Variants in BCL2 observed in about 807,000 individuals in gnomAD.
The protein encoded by BCL2 is BCL2 apoptosis regulator.
In BCL2, 1 loss-of-function variant was observed where a neutral mutation model predicts 14.2. The ratio of observed to expected loss-of-function variants is 0.07; its 90% CI spans 0.02 to 0.33. BCL2 has a LOEUF of 0.33. Among genes scored for constraint, BCL2 ranks in the 10% least tolerant of loss-of-function variants. The probability of loss-of-function intolerance (pLI) is 0.99; values close to 1 mark genes in which losing one functional copy is unlikely to be tolerated. For missense variants in BCL2, 247 were observed against 305.9 expected (o/e 0.81, Z 1.44); for synonymous variants, 151 against 137.2 (o/e 1.10, Z -0.70).
rs1913574298 is a variant in BCL2, at chr18:63,318,433, G to C, written c.234C>G (p.Pro78=). ...RTSPLQTPAA[P]GAAAGPALSP... ...TGAGCGCAGGCCCCGCGGCGGCGCC[G>C]GGGGCAGCCGGGGTCTGCAGCGGCG... is the stretch of plus-strand genomic sequence containing the variant. The change falls in exon 2 of 3, where the codon CCC becomes CCG. Residue 78 remains proline (P), a synonymous_variant. Coordinates refer to ENST00000333681, the MANE Select transcript of BCL2 (RefSeq NM_000633.3). This position sits in a 1 kb window ranked among gnomAD's most constrained non-coding sequence, Gnocchi z 7.4. 6.8e-7 allele frequency: 1 copy of C among 1,473,208 alleles called. No individual in the cohort carries two copies. The allele number at this position is 1,473,208 out of a possible 1,614,324, so 91.3% of individuals were successfully genotyped here.
intron 2 of BCL2, among the ~76,000 whole-genome samples, chr18:63,212,271 T>A (rs768086900): frequency 7.3e-5 from 11 of 151,590 alleles, no homozygotes; most frequent in Non-Finnish European, 8.9e-5. Flanking sequence ...GAGGTTGCAG[T>A]GAGCCAAGAG....
chr18:63,263,619 C>T (rs916353902), intron 2 of BCL2, among the ~76,000 whole-genome samples: 4 of 152,234 alleles, frequency 2.6e-5, no homozygotes, highest in African/African-American at 4.8e-5. Context: ...TGGAAGCAGT[C>T]ACATCATTGC....
chr18:63,231,872 T>C (rs1910697199), intron 2 of BCL2, among the ~76,000 whole-genome samples: 1 of 152,110 alleles, frequency 6.6e-6, no homozygotes, highest in African/African-American at 2.4e-5. Context: ...GCAGCCAAGA[T>C]AACTTTGAAA....
chr18:63,243,708 A>T (rs571044667), intron 2 of BCL2, among the ~76,000 whole-genome samples: 9 of 152,172 alleles, frequency 5.9e-5, no homozygotes, highest in Non-Finnish European at 1.2e-4. Flanking sequence ...TTTCCTTTAA[A>T]ATAGCCTCTT....
At chr18:63,136,678 C>T (rs1037903626) in intron 2 of BCL2, among the ~76,000 whole-genome samples, 9 of 152,194 alleles carry the variant, frequency 5.9e-5, no homozygotes, top group Admixed American at 4.6e-4. Context: ...ATCTGAGGGC[C>T]GGTGTAGACC....
intron 2 of BCL2, among the ~76,000 whole-genome samples, chr18:63,135,141 C>T (rs912498976): frequency 6.6e-6 from 1 of 152,162 alleles, no homozygotes; most frequent in South Asian, 2.1e-4. Context: ...TAAGGAAATT[C>T]GTGGTGGACA....
At chr18:63,228,677 C>T (rs566289033) in intron 2 of BCL2, among the ~76,000 whole-genome samples, 15 of 151,172 alleles carry the variant, frequency 9.9e-5, no homozygotes, top group Non-Finnish European at 1.6e-4. Flanking sequence ...AATAAATGAA[C>T]GGATCTGATA....
intron 2 of BCL2, among the ~76,000 whole-genome samples, chr18:63,216,849 C>T (rs528730857): frequency 3.9e-5 from 6 of 152,326 alleles, no homozygotes; most frequent in South Asian, 2.1e-4. Flanking sequence ...AACAAATCTA[C>T]GATCCATGTT....
At chr18:63,261,031 G>C (rs1911644357) in intron 2 of BCL2, among the ~76,000 whole-genome samples, 1 of 152,100 alleles carries the variant, frequency 6.6e-6, no homozygotes, top group Non-Finnish European at 1.5e-5. Flanking sequence ...CCTTCTCGAG[G>C]GGCTGCTTCT....
intron 2 of BCL2, among the ~76,000 whole-genome samples, chr18:63,266,637 T>TCTCTCACACACACA (rs1491465885): frequency 1.2e-4 from 10 of 86,012 alleles, no homozygotes; most frequent in Admixed American, 3.4e-4. Flanking sequence ...TCTCTCTCTC[T>TCTCTCACACACACA]CACACACACA....
At chr18:63,179,737 C>T (rs949654109) in intron 2 of BCL2, among the ~76,000 whole-genome samples, 2 of 152,090 alleles carry the variant, frequency 1.3e-5, no homozygotes, top group Non-Finnish European at 2.9e-5. Flanking sequence ...CAAGAGATTC[C>T]GATCAAGCCC....
chr18:63,144,419 C>A (rs904085468), intron 2 of BCL2, among the ~76,000 whole-genome samples: 3 of 152,120 alleles, frequency 2.0e-5, no homozygotes, highest in Non-Finnish European at 4.4e-5. Context: ...TCACTCAGCT[C>A]ATTGCAGCAA....
At chr18:63,155,540 G>A (rs1036441900) in intron 2 of BCL2, among the ~76,000 whole-genome samples, 18 of 146,834 alleles carry the variant, frequency 1.2e-4, no homozygotes, top group Non-Finnish European at 2.1e-4. Context: ...TGCAGGGTGG[G>A]CGCGGTAAAG....
intron 2 of BCL2, among the ~76,000 whole-genome samples, chr18:63,245,479 G>C (rs559780977): frequency 6.6e-6 from 1 of 152,330 alleles, no homozygotes; most frequent in African/African-American, 2.4e-5. Context: ...AAGCAGGACA[G>C]CATCTGCTGC....
Position 63,126,838 on chromosome 18 carries a change from T to A in BCL2, c.*1787A>T, listed in dbSNP as rs1317079620. 8.7e-6 allele frequency: 2 copies of A among 228,892 alleles called. No homozygotes were observed. Among genetic ancestry groups the A allele is most frequent in the African/African-American group, 4.4e-5 (2 of 45,098 alleles). The allele number at this position is 228,892 out of a possible 1,614,324, so 14.2% of individuals were successfully genotyped here. A position where few individuals can be genotyped will look rare whatever the true frequency, so the allele number is the denominator to read the frequency against. On this transcript the variant is annotated 3_prime_UTR_variant, in exon 3 of 3. Transcript: ENST00000333681. ...TTTTTTTAAAGCAGCTTTCGAAATA[T>A]CAACCACAGCATTAAACATTGAACA...
intron 2 of BCL2, among the ~76,000 whole-genome samples, chr18:63,297,278 C>T (rs879344760): frequency 5.9e-5 from 9 of 152,012 alleles, no homozygotes; most frequent in South Asian, 2.1e-4. Flanking sequence ...TTAGTGGTCA[C>T]GTTTAGTATA....
intron 2 of BCL2, among the ~76,000 whole-genome samples, chr18:63,189,401 A>G (rs1568228425): frequency 6.6e-6 from 1 of 152,048 alleles, no homozygotes; most frequent in Non-Finnish European, 1.5e-5. Flanking sequence ...ACCATAAACA[A>G]CGCTGGAGGT....
intron 2 of BCL2, among the ~76,000 whole-genome samples, chr18:63,198,655 GAC>G (rs1311257331): frequency 4.0e-5 from 5 of 125,360 alleles, no homozygotes; most frequent in East Asian, 2.7e-4. Flanking sequence ...GACATACACA[GAC>G]ACACACAGAC....
chr18:63,299,297 C>A (rs957356355), intron 2 of BCL2, among the ~76,000 whole-genome samples: 1 of 152,210 alleles, frequency 6.6e-6, no homozygotes. Context: ...GCTTGCCTTG[C>A]GCTAAGCACT....
Sources: allele counts gnomAD v4.1 joint callset (sites outside exome capture counted in the v4.1 genomes callset), GRCh38; gene constraint gnomAD v4.1.1; non-coding constraint Gnocchi (gnomAD v3.1); transcripts MANE v1.5; gene names NCBI Gene and HGNC (gene_info 2026-07-23, HGNC 2026-07-21).